Variants in DHX30 observed in about 807,000 individuals in gnomAD.
DHX30 encodes the protein ATP-dependent RNA helicase DHX30.
In DHX30, 4 loss-of-function variants were observed where a neutral mutation model predicts 116.9. The ratio of observed to expected loss-of-function variants is 0.03; its 90% CI spans 0.02 to 0.08. The LOEUF (loss-of-function observed/expected upper bound fraction) is 0.08, where lower values mean the gene tolerates loss of function less well. Among genes scored for constraint, DHX30 ranks in the 10% least tolerant of loss-of-function variants. The pLI is 1.00. For missense variants in DHX30, 871 were observed against 1,595.1 expected (o/e 0.55, Z 7.73); for synonymous variants, 697 against 651.7 (o/e 1.07, Z -1.06).
Position 47,814,924 on chromosome 3 carries a change from A to G in DHX30, c.29-3098A>G, listed in dbSNP as rs529138366. Among the ~76,000 whole-genome samples the G allele has an allele frequency of 2.7e-5, 4 of 150,228 alleles. No individual in the cohort carries two copies. The South Asian group carries it at 6.3e-4, about 24-fold the overall frequency. ...TTTTTGGTGGAAACAGGGTCTTCCT[A>G]TGTTTCCCAGGCTGTTCTCAAACTC... On this transcript the variant is annotated intron_variant, in intron 3 of 21. Transcript: ENST00000445061.
At chr3:47,829,301 TATATATATATATA>T (rs1301142001) in intron 6 of DHX30, among the ~76,000 whole-genome samples, 167 bp downstream of exon 6, 1 of 39,942 alleles carries the variant, frequency 2.5e-5, no homozygotes, top group Admixed American at 3.3e-4. Flanking sequence ...TATATATATA[TATATATATATATA>T]TTTTTTTTTT....
chr3:47,820,213 C>T (rs1301899555), intron 4 of DHX30, among the ~76,000 whole-genome samples: 2 of 152,114 alleles, frequency 1.3e-5, no homozygotes, highest in African/African-American at 2.4e-5. Flanking sequence ...ACTTGGGAGG[C>T]TGAGGCAGGA....
chr3:47,809,234 CTTT>C (rs71070231), intron 2 of DHX30, among the ~76,000 whole-genome samples: 6 of 63,528 alleles, frequency 9.4e-5, no homozygotes, highest in Non-Finnish European at 1.3e-4. Flanking sequence ...AATGTAACTT[CTTT>C]TTTTTTTTTT....
chr3:47,845,742 G>T lies in DHX30; in HGVS notation c.982G>T (p.Ala328Ser). 6.2e-7 allele frequency: 1 copy of T among 1,610,330 alleles called. No individual in the cohort carries two copies. The highest frequency in any genetic ancestry group is 8.5e-7 in the Non-Finnish European group (1 of 1,176,926). The change falls in exon 10 of 22, where the codon GCC (alanine) becomes TCC (serine). Residue 328 changes from alanine (A) to serine (S), a missense_variant. Transcript: ENST00000445061. The stretch of plus-strand genomic sequence containing the variant: ...CAGGAACAACGAACCGCTTACACAC[G>T]CCATGTATAACCTGGCCTCTTTGCG... The part of the protein sequence containing the change: ...VDRNNEPLTH[A>S]MYNLASLREL...
At chr3:47,839,929 C>T (rs1307159344) in intron 6 of DHX30, among the ~76,000 whole-genome samples, 2 of 152,082 alleles carry the variant, frequency 1.3e-5, no homozygotes, top group African/African-American at 4.8e-5. Context: ...CCTGCCTGGG[C>T]CTCCCAGAGT....
In DHX30 at chr3:47,841,157, A is replaced by C; in HGVS notation, c.647A>C (p.His216Pro). Residue 216 changes from histidine (H) to proline (P), a missense_variant, in exon 7 of 22, where the codon CAC (histidine) becomes CCC (proline). By Grantham distance (77) the His-to-Pro change is moderately conservative (BLOSUM62 -2). Transcript: ENST00000445061. ...TTGTCCATGACCCAGCAGGATTCCC[A>C]CGCTCCACTCAGGGACTCAAGGTAC... Reference protein sequence around the residue: ...DFLSMTQQDSHAPLRDSRGSS... With the variant: ...DFLSMTQQDSPAPLRDSRGSS... The C allele has an allele frequency of 6.2e-7, 1 of 1,613,984 alleles. No homozygotes were observed. The highest frequency in any genetic ancestry group is 8.5e-7 in the Non-Finnish European group (1 of 1,179,996).
intron 6 of DHX30, 150 bp downstream of exon 6, chr3:47,829,284 T>TGAGA (rs1293222725): frequency 1.5e-5 from 3 of 197,518 alleles, no homozygotes; most frequent in African/African-American, 1.4e-4. Context: ...GTTCAGCCAA[T>TGAGA]GAGATATATA....
intron 3 of DHX30, among the ~76,000 whole-genome samples, chr3:47,813,000 T>C (rs910839913): frequency 6.7e-6 from 1 of 149,954 alleles, no homozygotes; most frequent in Non-Finnish European, 1.5e-5. Flanking sequence ...GGGACAAATA[T>C]CCACACTATA....
chr3:47,828,873 G>T (rs1166133212), intron 5 of DHX30, 151 bp from the exon 6 acceptor site: 3 of 626,746 alleles, frequency 4.8e-6, no homozygotes, highest in Non-Finnish European at 8.7e-6. Flanking sequence ...ATGGGATTGG[G>T]GTTCTGTCCT....
chr3:47,803,740 T>G (rs2106915786), intron 1 of DHX30, among the ~76,000 whole-genome samples: 1 of 152,308 alleles, frequency 6.6e-6, no homozygotes, highest in Middle Eastern at 3.4e-3. Flanking sequence ...GGTGAGGTAT[T>G]CTTTGTTTGC....
chr3:47,817,022 C>CT, intron 3 of DHX30: 1 of 879,274 alleles, frequency 1.1e-6, no homozygotes. Flanking sequence ...AAACAAGAGT[C>CT]TTGTTTTACT....
intron 5 of DHX30, 131 bp from the exon 6 acceptor site, chr3:47,828,881 CCTCTGTTCTCAA>C (rs2036673383): frequency 1.6e-6 from 1 of 639,574 alleles, no homozygotes; most frequent in African/African-American, 1.9e-5. Flanking sequence ...GGGGTTCTGT[CCTCTGTTCTCAA>C]CTCTGAACCT....
chr3:47,836,292 G>A (rs138017490), intron 6 of DHX30, among the ~76,000 whole-genome samples: 17 of 151,772 alleles, frequency 1.1e-4, no homozygotes, highest in African/African-American at 3.9e-4. Context: ...ACCACGCCTG[G>A]CCAATTTTTG....
At position 47,849,928 on chromosome 3, in the gene DHX30, C is replaced by G. The variant is rs767079426; in HGVS notation, c.3393C>G (p.Asp1131Glu). The change falls in exon 22 of 22, where the codon GAC becomes GAG. Residue 1131 changes from aspartate (D) to glutamate (E), a missense_variant. Physicochemically the swap from Asp to Glu is conservative, Grantham distance 45 (BLOSUM62 2). Transcript: ENST00000445061. Reference protein sequence around the residue: ...SDSDLLRLEGDSRTVRLLKEL... With the variant: ...SDSDLLRLEGESRTVRLLKEL... ...GTGACCTGCTGCGGCTGGAGGGTGA[C>G]TCGCGTACCGTGCGGCTGCTGAAGG... 1 of 1,613,226 alleles carries G rather than the reference C, an allele frequency of 6.2e-7. No individual in the cohort carries two copies. Among genetic ancestry groups the G allele is most frequent in the Non-Finnish European group, 8.5e-7 (1 of 1,179,872 alleles).
intron 1 of DHX30, among the ~76,000 whole-genome samples, 191 bp downstream of exon 1, chr3:47,803,403 G>C (rs1468071312): frequency 6.6e-6 from 1 of 152,062 alleles, no homozygotes; most frequent in Non-Finnish European, 1.5e-5. Context: ...GCCGATCCGT[G>C]GGCAGCCAGG....
chr3:47,837,892 G>A (rs2037196975), intron 6 of DHX30, among the ~76,000 whole-genome samples: 1 of 152,224 alleles, frequency 6.6e-6, no homozygotes, highest in Admixed American at 6.5e-5. Context: ...CGAGCAATGG[G>A]TTGGCGCCTA....
At chr3:47,825,714 A>G (rs1281200572) in intron 4 of DHX30, among the ~76,000 whole-genome samples, 1 of 152,090 alleles carries the variant, frequency 6.6e-6, no homozygotes, top group Non-Finnish European at 1.5e-5. Flanking sequence ...AAGGATGGGT[A>G]GAGAGCGCCA....
intron 6 of DHX30, among the ~76,000 whole-genome samples, chr3:47,835,170 ATTTTTTTTTT>A (rs552610417): frequency 9.4e-6 from 1 of 106,504 alleles, no homozygotes; most frequent in East Asian, 2.6e-4. Flanking sequence ...TGCCTGGCTA[ATTTTTTTTTT>A]TTTTTTTTTT....
intron 6 of DHX30, among the ~76,000 whole-genome samples, 180 bp downstream of exon 6, chr3:47,829,314 A>ATATATATTTTTTT (rs1177077114): frequency 2.9e-5 from 1 of 34,186 alleles, no homozygotes; most frequent in African/African-American, 1.1e-4. Flanking sequence ...ATATATATAT[A>ATATATATTTTTTT]TTTTTTTTTT....
Sources: gnomAD v4.1 joint callset for allele counts (sites outside exome capture counted in the v4.1 genomes callset) on GRCh38, gnomAD v4.1.1 for gene constraint, MANE v1.5 for transcripts, NCBI Gene and HGNC (gene_info 2026-07-23, HGNC 2026-07-21) for gene names.